Variants in PRRC2B observed in about 807,000 individuals in gnomAD.
PRRC2B encodes proline rich coiled-coil 2B, also known as protein PRRC2B.
Under a neutral mutation model 242.3 loss-of-function variants are expected in PRRC2B, and 68 were observed. The observed-to-expected ratio is 0.28, with a 90% CI of 0.23 to 0.34. The LOEUF (loss-of-function observed/expected upper bound fraction) is 0.34. PRRC2B is among the 10% of genes least tolerant of loss of function. The pLI, the probability that PRRC2B is intolerant of heterozygous loss-of-function variation, is 1.00. For synonymous variants in PRRC2B, 1,228 were observed against 1,173.6 expected (o/e 1.05, Z -0.95); for missense variants, 2,835 against 2,954.8 (o/e 0.96, Z 0.94).
intron 1 of PRRC2B, among the ~76,000 whole-genome samples, chr9:131,401,261 A>AGC: frequency 6.6e-6 from 1 of 152,178 alleles, no homozygotes; most frequent in Non-Finnish European, 1.5e-5. Flanking sequence ...AGTGTTGTGC[A>AGC]ACCATCACCA....
At position 131,446,389 on chromosome 9, in the gene PRRC2B, T is replaced by G. The variant is rs1438986901; in HGVS notation, c.614-12T>G. 6.2e-7 allele frequency: 1 copy of G among 1,613,396 alleles called. No individual in the cohort carries two copies. Among genetic ancestry groups the G allele is most frequent in the East Asian group, 2.2e-5 (1 of 44,866 alleles). On this transcript the variant is annotated splice_polypyrimidine_tract_variant and intron_variant, in intron 6 of 31. Transcript: ENST00000683519. The surrounding 1 kb of genome is among the most constrained non-coding windows in gnomAD (Gnocchi z 4.1). The stretch of plus-strand genomic sequence containing the variant: ...TCTTCCCTCTCCCCTTTTGCCCCCT[T>G]TCAATTTCCAGATGTGACAAGCTGG...
At chr9:131,425,402 C>T (rs1837950845) in intron 1 of PRRC2B, among the ~76,000 whole-genome samples, 1 of 152,168 alleles carries the variant, frequency 6.6e-6, no homozygotes, top group Non-Finnish European at 1.5e-5. Flanking sequence ...TGTGTCCATT[C>T]TACCCTTTTC....
At chr9:131,450,361 G>A (rs576811786) in intron 9 of PRRC2B, among the ~76,000 whole-genome samples, 19 of 151,400 alleles carry the variant, frequency 1.3e-4, no homozygotes, top group Admixed American at 9.2e-4. Context: ...TCCGCCTCCC[G>A]GGTTCAAGTG....
intron 9 of PRRC2B, chr9:131,448,006 C>A: frequency 4.5e-6 from 2 of 446,048 alleles, no homozygotes; most frequent in Non-Finnish European, 7.8e-6. Flanking sequence ...CCATTAGCTT[C>A]TTTTGGTCTT....
chr9:131,376,260 A>C (rs916186607), intron 1 of PRRC2B, among the ~76,000 whole-genome samples: 2 of 151,576 alleles, frequency 1.3e-5, no homozygotes, highest in Non-Finnish European at 2.9e-5. Context: ...AGGCTGAGGC[A>C]GGAGAATTGC....
At position 131,495,637 on chromosome 9, in the gene PRRC2B, C is replaced by G. The variant is rs1588286960; in HGVS notation, c.6556-103C>G. On this transcript the variant is annotated intron_variant, in intron 31 of 31. Coordinates refer to ENST00000683519, the MANE Select transcript of PRRC2B (RefSeq NM_013318.4). ...CCAAGGGACTGACAACTTAGGGGAGCTTTCCCTGCAACTCAGGAGCAGGAA... is the reference window on the plus strand; with the variant it reads ...CCAAGGGACTGACAACTTAGGGGAGGTTTCCCTGCAACTCAGGAGCAGGAA... The G allele has an allele frequency of 2.5e-5, 34 of 1,353,968 alleles. No homozygotes were observed. In the East Asian group the frequency reaches 8.3e-4, roughly 33 times the overall value. The allele number at this position is 1,353,968 out of a possible 1,614,324, so 83.9% of individuals were successfully genotyped here.
At chr9:131,437,351 T>G (rs539397046) in intron 4 of PRRC2B, among the ~76,000 whole-genome samples, 2 of 152,172 alleles carry the variant, frequency 1.3e-5, no homozygotes, top group Non-Finnish European at 2.9e-5. Context: ...TTTGTTGATA[T>G]GTTTTAAGTG....
At position 131,486,115 on chromosome 9, in the gene PRRC2B, G is replaced by A; in HGVS notation, c.5789G>A (p.Gly1930Asp). ...GSHLPPLYLDGHVFASQPRLV... is the reference protein window; with the variant it reads ...GSHLPPLYLDDHVFASQPRLV... Reference sequence around the variant, plus strand: ...CACCTCCCGCCCCTGTACCTGGATGGCCATGTGTTTGCAAGTCAGCCCCGG... The same window carrying A: ...CACCTCCCGCCCCTGTACCTGGATGACCATGTGTTTGCAAGTCAGCCCCGG... The change falls in exon 26 of 32, where the codon GGC becomes GAC. Residue 1930 changes from glycine (G) to aspartate (D), a missense_variant. By Grantham distance (94) the Gly-to-Asp change is moderately conservative. Coordinates refer to ENST00000683519, the MANE Select transcript of PRRC2B (RefSeq NM_013318.4). 1 of 1,613,178 alleles carries A rather than the reference G, an allele frequency of 6.2e-7. No individual in the cohort carries two copies. The highest frequency in any genetic ancestry group is 8.5e-7 in the Non-Finnish European group (1 of 1,179,532).
intron 9 of PRRC2B, among the ~76,000 whole-genome samples, chr9:131,448,838 T>C (rs562710883): frequency 2.0e-5 from 3 of 152,268 alleles, no homozygotes; most frequent in African/African-American, 7.2e-5. Flanking sequence ...GGTACCCATA[T>C]CACATTTTAC....
intron 1 of PRRC2B, among the ~76,000 whole-genome samples, chr9:131,384,083 A>ATT (rs111724850): frequency 3.7e-4 from 22 of 58,966 alleles, no homozygotes; most frequent in African/African-American, 6.6e-4. Context: ...ATACCCGGCT[A>ATT]TTTTTTTTTT....
In PRRC2B at chr9:131,431,570, T is replaced by C. The variant is rs1415702127; in HGVS notation, c.116-1047T>C. ...ATGAGCCACTGCGCCTGGCCAGTGT[T>C]ATCCTTAATAAAGAATTTTTTTTTT... On this transcript the variant is annotated intron_variant, in intron 2 of 31. Transcript: ENST00000683519. Among the ~76,000 whole-genome samples the C allele has an allele frequency of 5.3e-5, 8 of 150,996 alleles. No individual in the cohort carries two copies. The East Asian group carries it at 1.6e-3, about 30-fold the overall frequency.
chr9:131,443,111 T>A (rs1038498767), intron 5 of PRRC2B, among the ~76,000 whole-genome samples: 4 of 147,792 alleles, frequency 2.7e-5, no homozygotes, highest in Non-Finnish European at 4.5e-5. Context: ...TATTTTATTT[T>A]ATTTATTTTA....
At chr9:131,421,808 A>G (rs1369760604) in intron 1 of PRRC2B, among the ~76,000 whole-genome samples, 3 of 152,222 alleles carry the variant, frequency 2.0e-5, no homozygotes, top group African/African-American at 7.2e-5. Flanking sequence ...GAAGCTGTCC[A>G]GGATCATCAT....
At chr9:131,442,344 G>A (rs918979374) in intron 5 of PRRC2B, among the ~76,000 whole-genome samples, 2 of 152,082 alleles carry the variant, frequency 1.3e-5, no homozygotes, top group East Asian at 3.9e-4. Flanking sequence ...TGTTGTCCAG[G>A]CTGGTGATAC....
chr9:131,470,951 T>C lies in PRRC2B; in HGVS notation c.2075T>C (p.Val692Ala), dbSNP rs1943527610. 1 of 1,612,262 alleles carries C rather than the reference T, an allele frequency of 6.2e-7. No homozygotes were observed. Among genetic ancestry groups the C allele is most frequent in the South Asian group, 1.1e-5 (1 of 91,002 alleles). The change falls in exon 14 of 32, where the codon GTG becomes GCG. Residue 692 changes from valine (V) to alanine (A), a missense_variant. Val to Ala is a moderately conservative substitution (Grantham distance 64, BLOSUM62 0). Around this residue, in one of 7 missense-constraint regions of PRRC2B, gnomAD observed 1,536 missense variants for 1,483.1 expected, o/e 1.04. Coordinates refer to ENST00000683519, the MANE Select transcript of PRRC2B (RefSeq NM_013318.4). ...DPRITPTRTP[V>A]DFYPSALHPS... ...CGTATCACGCCCACTCGGACCCCGG[T>C]GGACTTCTACCCCTCCGCCCTGCAT...
At chr9:131,452,106 GTATAAGATTGGTATTTTTGTAAGA>G (rs1942940655) in intron 9 of PRRC2B, among the ~76,000 whole-genome samples, 4 of 5,748 alleles carry the variant, frequency 7.0e-4, no homozygotes, top group Non-Finnish European at 2.1e-3. Flanking sequence ...TGTAAGATCA[GTATAAGATTGGTATTTTTGTAAGA>G]TCAGTATTAT....
In PRRC2B at chr9:131,498,213, A is replaced by G. The variant is rs1233797854; in HGVS notation, c.*2339A>G. ...CCTTCCTTTCTCCTCCCCCACCCCA[A>G]ATAAAAAAACAAAAAACACTAGAAT... is the stretch of plus-strand genomic sequence containing the variant. On this transcript the variant is annotated 3_prime_UTR_variant, in exon 32 of 32. Transcript: ENST00000683519. The G allele has an allele frequency of 1.3e-5, 2 of 152,216 alleles. No individual in the cohort carries two copies. Among genetic ancestry groups the G allele is most frequent in the Non-Finnish European group, 2.9e-5 (2 of 68,032 alleles). The allele number at this position is 152,216 out of a possible 1,614,324, so 9.4% of individuals were successfully genotyped here.
intron 26 of PRRC2B, chr9:131,486,620 G>A (rs2131471493): frequency 3.5e-6 from 3 of 848,724 alleles, no homozygotes; most frequent in Non-Finnish European, 4.3e-6. Context: ...GTGATTTTTG[G>A]AAGTCTCCCC....
chr9:131,489,377 G>A (rs1363081645), intron 28 of PRRC2B, among the ~76,000 whole-genome samples: 1 of 151,810 alleles, frequency 6.6e-6, no homozygotes, highest in Admixed American at 6.6e-5. Flanking sequence ...TAGAGATGGG[G>A]GTTTCACCAT....
Sources: gnomAD v4.1 joint callset for allele counts (sites outside exome capture counted in the v4.1 genomes callset) on GRCh38, gnomAD v4.1.1 for gene constraint, gnomAD v4.1.1 regional missense constraint, Gnocchi (gnomAD v3.1) non-coding constraint, MANE v1.5 for transcripts, NCBI Gene and HGNC (gene_info 2026-07-23, HGNC 2026-07-21) for gene names.